The following KCNN2 variants were observed in gnomAD, a reference collection of about 807,000 sequenced individuals.
KCNN2 encodes the protein potassium calcium-activated channel subfamily N member 2, also known as small conductance calcium-activated potassium channel protein 2.
Under a neutral mutation model 55.5 loss-of-function variants are expected in KCNN2, and 24 were observed. The observed-to-expected ratio is 0.43, with a 90% CI of 0.31 to 0.61. The LOEUF (loss-of-function observed/expected upper bound fraction) is 0.61. Ranked by LOEUF, KCNN2 falls within the 20% of genes least tolerant of loss-of-function variation. The probability of loss-of-function intolerance (pLI) is 0.08; values close to 1 mark genes in which losing one functional copy is unlikely to be tolerated. For missense variants in KCNN2, 754 were observed against 853.6 expected, an observed-to-expected ratio of 0.88 and a Z score of 1.45; for synonymous variants, 431 against 336.1, an observed-to-expected ratio of 1.28 and a Z score of -3.09.
chr5:114,182,068 T>A (rs1426897228), intron 1 of KCNN2, among the ~76,000 whole-genome samples: 1 of 152,176 alleles, frequency 6.6e-6, no homozygotes, highest in Non-Finnish European at 1.5e-5. Flanking sequence ...TTGATATTTT[T>A]AAAAATATGG....
At chr5:114,250,120 T>C (rs1246723779) in intron 2 of KCNN2, among the ~76,000 whole-genome samples, 1 of 152,118 alleles carries the variant, frequency 6.6e-6, no homozygotes, top group Non-Finnish European at 1.5e-5. Flanking sequence ...CTTTTAATGA[T>C]AGTGTGTATT....
chr5:114,366,778 A>C (rs1757615314), intron 2 of KCNN2, among the ~76,000 whole-genome samples: 1 of 152,232 alleles, frequency 6.6e-6, no homozygotes, highest in Non-Finnish European at 1.5e-5. Flanking sequence ...TAAGCTAATG[A>C]GCACTTCTCA....
intron 2 of KCNN2, among the ~76,000 whole-genome samples, chr5:114,383,782 A>G (rs1396852178): frequency 6.6e-6 from 1 of 152,206 alleles, no homozygotes; most frequent in Non-Finnish European, 1.5e-5. Context: ...TAATGCTTTT[A>G]AATGCATGTG....
rs185967050 is a variant in KCNN2 at position 114,403,439 on chromosome 5, A to G, written c.1219-999A>G. On this transcript the variant is annotated intron_variant, in intron 2 of 7. Coordinates refer to ENST00000673685, the MANE Select transcript of KCNN2 (RefSeq NM_021614.4). ...AGCAATGACAGTATCTTTGGAATATATATAGCTTCTCAAAACAAAGGTCTT... is the reference window on the plus strand; with the variant it reads ...AGCAATGACAGTATCTTTGGAATATGTATAGCTTCTCAAAACAAAGGTCTT... Among the ~76,000 whole-genome samples the G allele has an allele frequency of 5.3e-5, 8 of 152,358 alleles. No individual in the cohort carries two copies. The East Asian group carries it at 9.6e-4, about 18-fold the overall frequency.
At chr5:114,327,859 G>A (rs1255933192) in intron 2 of KCNN2, among the ~76,000 whole-genome samples, 3 of 152,188 alleles carry the variant, frequency 2.0e-5, no homozygotes, top group Non-Finnish European at 4.4e-5. Context: ...GACATGACAA[G>A]CAGTTAGTAC....
At chr5:114,249,773 C>T (rs7703859) in intron 2 of KCNN2, among the ~76,000 whole-genome samples, 13,573 of 148,102 alleles carry the variant, frequency 0.092, 794 homozygotes, top group Non-Finnish European at 0.12. Context: ...GAATGGGCAG[C>T]ATTTTATTTT....
chr5:114,376,977 C>T (rs950786508), intron 2 of KCNN2, among the ~76,000 whole-genome samples: 1 of 152,080 alleles, frequency 6.6e-6, no homozygotes, highest in African/African-American at 2.4e-5. Context: ...GCCTGTAGTC[C>T]TAGCTACTTG....
At chr5:114,408,758 A>C (rs337706) in intron 3 of KCNN2, among the ~76,000 whole-genome samples, 24,390 of 152,116 alleles carry the variant, frequency 0.16, 2,536 homozygotes, top group African/African-American at 0.3. Flanking sequence ...AATTGTGTAC[A>C]TGCCATATAT....
chr5:114,310,193 T>G (rs1756367533), intron 2 of KCNN2, among the ~76,000 whole-genome samples: 2 of 152,122 alleles, frequency 1.3e-5, no homozygotes, highest in African/African-American at 4.8e-5. Context: ...AAAGTGCCCT[T>G]CTGTGTTTGC....
At chr5:114,482,707 C>T (rs1005863543) in intron 5 of KCNN2, among the ~76,000 whole-genome samples, 1 of 152,024 alleles carries the variant, frequency 6.6e-6, no homozygotes, top group Non-Finnish European at 1.5e-5. Flanking sequence ...TAAAAAGGAA[C>T]AAGATCATCT....
intron 1 of KCNN2, among the ~76,000 whole-genome samples, chr5:114,110,866 T>C (rs1751581864): frequency 6.6e-6 from 1 of 152,090 alleles, no homozygotes; most frequent in South Asian, 2.1e-4. Flanking sequence ...GTTGAGAAGC[T>C]ACTGTTGCTA....
At chr5:114,198,063 T>C (rs1418525757) in intron 1 of KCNN2, among the ~76,000 whole-genome samples, 2 of 151,954 alleles carry the variant, frequency 1.3e-5, no homozygotes, top group Admixed American at 6.6e-5. Context: ...GTCCTGCTCC[T>C]CCCCCCACTT....
chr5:114,477,327 T>C (rs1235350389), intron 5 of KCNN2, among the ~76,000 whole-genome samples: 2 of 152,180 alleles, frequency 1.3e-5, no homozygotes, highest in African/African-American at 2.4e-5. Flanking sequence ...CTGTGAAAAA[T>C]TATTCACTAT....
chr5:114,207,592 T>C (rs993797810), intron 1 of KCNN2, among the ~76,000 whole-genome samples: 4 of 152,164 alleles, frequency 2.6e-5, no homozygotes, highest in African/African-American at 9.6e-5. Context: ...ATTATTGTCT[T>C]CCATTCTCCC....
At chr5:114,398,681 AT>A (rs1425703998) in intron 2 of KCNN2, among the ~76,000 whole-genome samples, 1 of 151,968 alleles carries the variant, frequency 6.6e-6, no homozygotes, top group South Asian at 2.1e-4. Context: ...TATCCGTGGA[AT>A]GCTTTTCCGT....
At chr5:114,366,273 T>G (rs1757596819) in intron 2 of KCNN2, among the ~76,000 whole-genome samples, 1 of 152,234 alleles carries the variant, frequency 6.6e-6, no homozygotes, top group Non-Finnish European at 1.5e-5. Context: ...GTGAACTTCC[T>G]TACTGTTGGT....
intron 1 of KCNN2, among the ~76,000 whole-genome samples, chr5:114,100,037 A>G (rs902177148): frequency 8.5e-5 from 13 of 152,206 alleles, no homozygotes; most frequent in African/African-American, 3.1e-4. Flanking sequence ...AAACATCTCT[A>G]TAAATCTCAA....
chr5:114,077,851 A>G (rs1561465762), intron 1 of KCNN2, among the ~76,000 whole-genome samples: 1 of 152,196 alleles, frequency 6.6e-6, no homozygotes, highest in Non-Finnish European at 1.5e-5. Flanking sequence ...GGGGTGGTGA[A>G]GACTTGCTCT....
intron 2 of KCNN2, among the ~76,000 whole-genome samples, chr5:114,243,939 G>A (rs764103477): frequency 5.3e-5 from 8 of 152,112 alleles, no homozygotes; most frequent in Non-Finnish European, 1.0e-4. Context: ...AAACTACTGC[G>A]GATTGCAAGT....
Sources: gnomAD v4.1 joint callset for allele counts (sites outside exome capture counted in the v4.1 genomes callset) on GRCh38, gnomAD v4.1.1 for gene constraint, MANE v1.5 for transcripts, NCBI Gene and HGNC (gene_info 2026-07-23, HGNC 2026-07-21) for gene names.